Variants in SORCS2 observed in about 807,000 individuals in gnomAD.
The protein encoded by SORCS2 is VPS10 domain-containing receptor SorCS2.
A neutral mutation model predicts 141.6 loss-of-function variants in SORCS2; 100 were observed. The observed-to-expected ratio is 0.71, with a 90% CI of 0.60 to 0.83. The LOEUF (loss-of-function observed/expected upper bound fraction) is 0.83. Ranked by LOEUF, SORCS2 falls within the 40% of genes least tolerant of loss-of-function variation. SORCS2 has a pLI of 0.00. For synonymous variants in SORCS2, 789 were observed against 676.9 expected (o/e 1.17, Z -2.57); for missense variants, 1,646 against 1,560.2 (o/e 1.05, Z -0.93).
At chr4:7,391,517 G>A (rs1318499208) in intron 1 of SORCS2, among the ~76,000 whole-genome samples, 1 of 152,050 alleles carries the variant, frequency 6.6e-6, no homozygotes, top group Non-Finnish European at 1.5e-5. Context: ...GTGGTGATCA[G>A]GGGGTGGGGC....
At chr4:7,353,155 AG>A (rs1322714059) in intron 1 of SORCS2, among the ~76,000 whole-genome samples, 2 of 152,094 alleles carry the variant, frequency 1.3e-5, no homozygotes, top group East Asian at 3.9e-4. Flanking sequence ...ACCAAAATCT[AG>A]GGGCCCAGAG....
rs537466382 is a variant in SORCS2, at chr4:7,456,886, G to A, written c.548+60531G>A. On this transcript the variant is annotated intron_variant, in intron 2 of 26. Transcript: ENST00000507866. ...CACCCTACCCTGGCATTTAGAAGTG[G>A]TTGGCCCTGGGCAAGGCTTCACTGC... 2.5e-3 allele frequency among the ~76,000 whole-genome samples: 380 copies of A among 152,128 alleles called. 2 individuals are homozygous for A. Among genetic ancestry groups the A allele is most frequent in the African/African-American group, 8.6e-3 (358 of 41,482 alleles).
At chr4:7,322,972 G>GT (rs777304639) in intron 1 of SORCS2, among the ~76,000 whole-genome samples, 15 of 151,700 alleles carry the variant, frequency 9.9e-5, no homozygotes, top group South Asian at 4.1e-4. Context: ...GGCCCTGCCC[G>GT]TTTTTTATCT....
rs112538206 is a variant in SORCS2 at position 7,483,206 on chromosome 4, C to G, written c.549-48324C>G. Among the ~76,000 whole-genome samples, 369 of 151,808 alleles carry G rather than the reference C, an allele frequency of 2.4e-3. 3 individuals carry two copies. The highest frequency in any genetic ancestry group is 8.4e-3 in the African/African-American group (348 of 41,344). On this transcript the variant is annotated intron_variant, in intron 2 of 26. Transcript: ENST00000507866. ...GGCTTGGTGGCGGGCACCTGTAGTC[C>G]CAGCTACTCGGGAGGCTGAGGCAGG...
intron 1 of SORCS2, among the ~76,000 whole-genome samples, chr4:7,310,679 C>T (rs973945225): frequency 2.6e-5 from 4 of 152,196 alleles, no homozygotes; most frequent in Non-Finnish European, 5.9e-5. Context: ...ACAAGGCAGA[C>T]GGGAGCTGGA....
chr4:7,524,146 G>A (rs1186070171), intron 2 of SORCS2, among the ~76,000 whole-genome samples: 2 of 152,218 alleles, frequency 1.3e-5, no homozygotes, highest in Non-Finnish European at 2.9e-5. Context: ...AACCTCAGGG[G>A]TGACGCTATT....
At chr4:7,453,137 G>C (rs1728592834) in intron 2 of SORCS2, among the ~76,000 whole-genome samples, 1 of 133,178 alleles carries the variant, frequency 7.5e-6, no homozygotes, top group African/African-American at 2.9e-5. Context: ...TTGGGGTCAG[G>C]TGCTGTGTGT....
intron 1 of SORCS2, among the ~76,000 whole-genome samples, chr4:7,328,437 C>A (rs1577404651): frequency 6.6e-6 from 1 of 152,002 alleles, no homozygotes; most frequent in African/African-American, 2.4e-5. Flanking sequence ...AACGGAGGCA[C>A]CTAGATGTTA....
intron 4 of SORCS2, among the ~76,000 whole-genome samples, chr4:7,650,546 C>T (rs1001485396): frequency 3.3e-5 from 5 of 152,174 alleles, no homozygotes; most frequent in Non-Finnish European, 4.4e-5. Flanking sequence ...CCAGGCCTGC[C>T]GGAGCCCAAG....
intron 10 of SORCS2, among the ~76,000 whole-genome samples, chr4:7,687,218 T>C (rs1723936288): frequency 6.6e-6 from 1 of 152,144 alleles, no homozygotes; most frequent in South Asian, 2.1e-4. Flanking sequence ...TGCTGGGGAC[T>C]CCTGCACTAC....
At chr4:7,549,185 A>G (rs1713495612) in intron 3 of SORCS2, among the ~76,000 whole-genome samples, 1 of 152,048 alleles carries the variant, frequency 6.6e-6, no homozygotes, top group African/African-American at 2.4e-5. Context: ...CTCTTGGTAC[A>G]TTTCTTCTAT....
chr4:7,714,607 T>C (rs3733601), intron 16 of SORCS2, among the ~76,000 whole-genome samples: 32,121 of 152,210 alleles, frequency 0.21, 4,578 homozygotes, highest in East Asian at 0.54. Context: ...TTAAACCTTC[T>C]CAGTGGCTGC....
intron 2 of SORCS2, among the ~76,000 whole-genome samples, chr4:7,448,905 TCCC>T (rs1441786564): frequency 0.041 from 14 of 342 alleles, 5 homozygotes; most frequent in East Asian, 0.25. Flanking sequence ...CCTCCCTCCC[TCCC>T]TCCCTGCCTC....
At chr4:7,697,568 C>A (rs988826674) in intron 12 of SORCS2, among the ~76,000 whole-genome samples, 1 of 152,220 alleles carries the variant, frequency 6.6e-6, no homozygotes, top group African/African-American at 2.4e-5. Context: ...TTGGACGTGT[C>A]ACTGCGAACA....
At chr4:7,712,955 TC>T in intron 15 of SORCS2, 102 bp downstream of exon 15, 1 of 1,480,378 alleles carries the variant, frequency 6.8e-7, no homozygotes, top group Admixed American at 2.0e-5. Flanking sequence ...GCAGGGCACC[TC>T]CCCGCCTCCA....
At chr4:7,282,583 C>T (rs1291348676) in intron 1 of SORCS2, among the ~76,000 whole-genome samples, 3 of 152,294 alleles carry the variant, frequency 2.0e-5, no homozygotes, top group Admixed American at 6.5e-5. Context: ...TTAGCTCCCC[C>T]ACTAATCATG....
intron 10 of SORCS2, among the ~76,000 whole-genome samples, chr4:7,684,103 T>A (rs1723730739): frequency 6.6e-6 from 1 of 152,156 alleles, no homozygotes; most frequent in African/African-American, 2.4e-5. Flanking sequence ...TCTCCTTGCA[T>A]ACCGCAGGGA....
At chr4:7,622,059 G>A (rs748086776) in intron 3 of SORCS2, among the ~76,000 whole-genome samples, 6 of 152,036 alleles carry the variant, frequency 3.9e-5, no homozygotes, top group Non-Finnish European at 5.9e-5. Flanking sequence ...AAATACCCAC[G>A]TCCTGCCCCA....
At chr4:7,435,338 G>T (rs542137728) in intron 2 of SORCS2, among the ~76,000 whole-genome samples, 4 of 152,160 alleles carry the variant, frequency 2.6e-5, no homozygotes, top group Non-Finnish European at 5.9e-5. Flanking sequence ...GTACGGAAAG[G>T]CACCCTCTGC....
Sources: gnomAD v4.1 joint callset for allele counts (sites outside exome capture counted in the v4.1 genomes callset) on GRCh38, gnomAD v4.1.1 for gene constraint, MANE v1.5 for transcripts, NCBI Gene and HGNC (gene_info 2026-07-23, HGNC 2026-07-21) for gene names.